Variants in ATRNL1 observed in about 807,000 individuals in gnomAD.
ATRNL1 encodes attractin like 1.
ATRNL1 carries 95 observed loss-of-function variants against 182.7 expected under a neutral mutation model. The observed-to-expected ratio is 0.52, with a 90% CI of 0.44 to 0.62. ATRNL1 has a LOEUF of 0.62. Ranked by LOEUF, ATRNL1 falls within the 20% of genes least tolerant of loss-of-function variation. The pLI, the probability that ATRNL1 is intolerant of heterozygous loss-of-function variation, is 0.00. For synonymous variants in ATRNL1, 576 were observed against 568.3 expected, an observed-to-expected ratio of 1.01 and a Z score of -0.19; for missense variants, 1,471 against 1,679.5, an observed-to-expected ratio of 0.88 and a Z score of 2.17.
At chr10:115,929,851 T>G (rs1263673492) in intron 28 of ATRNL1, among the ~76,000 whole-genome samples, 1 of 152,062 alleles carries the variant, frequency 6.6e-6, no homozygotes, top group East Asian at 1.9e-4. Context: ...ACAGATTGCT[T>G]TCCTATATAA....
chr10:115,824,160 A>G (rs1267893961), intron 27 of ATRNL1, among the ~76,000 whole-genome samples: 1 of 152,246 alleles, frequency 6.6e-6, no homozygotes, highest in Non-Finnish European at 1.5e-5. Context: ...CAAACCTGAC[A>G]AAAACAAGCA....
At chr10:115,825,432 A>C (rs1377902776) in intron 27 of ATRNL1, among the ~76,000 whole-genome samples, 1 of 152,142 alleles carries the variant, frequency 6.6e-6, no homozygotes, top group African/African-American at 2.4e-5. Context: ...AATGTATAAT[A>C]ATAAAAAAGG....
chr10:115,575,488 A>G (rs1592877771), intron 26 of ATRNL1, among the ~76,000 whole-genome samples: 1 of 152,104 alleles, frequency 6.6e-6, no homozygotes, highest in South Asian at 2.1e-4. Context: ...GTTTTTCAAC[A>G]TGTTTTATAA....
chr10:115,892,113 C>T (rs1341886671), intron 28 of ATRNL1, among the ~76,000 whole-genome samples: 1 of 152,140 alleles, frequency 6.6e-6, no homozygotes, highest in Non-Finnish European at 1.5e-5. Flanking sequence ...TGTTATATTA[C>T]TCTGTTTACT....
intron 19 of ATRNL1, among the ~76,000 whole-genome samples, chr10:115,335,246 A>G (rs1171384039): frequency 1.3e-5 from 2 of 152,136 alleles, no homozygotes; most frequent in Non-Finnish European, 2.9e-5. Context: ...TTAAATTTTT[A>G]ATCTACCGTC....
chr10:115,675,865 T>G (rs1414849875), intron 26 of ATRNL1, among the ~76,000 whole-genome samples: 1 of 152,056 alleles, frequency 6.6e-6, no homozygotes, highest in Non-Finnish European at 1.5e-5. Flanking sequence ...AGATGAAGCA[T>G]GAAGAAAGCT....
chr10:115,551,292 A>G (rs1852971543), intron 26 of ATRNL1, among the ~76,000 whole-genome samples: 2 of 151,686 alleles, frequency 1.3e-5, no homozygotes, highest in Non-Finnish European at 3.0e-5. Context: ...TTTATTACAT[A>G]CTAATCAGGT....
At chr10:115,122,408 G>A (rs1192174479) in intron 3 of ATRNL1, among the ~76,000 whole-genome samples, 2 of 151,594 alleles carry the variant, frequency 1.3e-5, no homozygotes, top group Middle Eastern at 3.9e-3. Context: ...AAAAAGTTTC[G>A]TGAATAGGAG....
chr10:115,461,932 T>TC lies in ATRNL1; in HGVS notation c.3323-6dup, dbSNP rs782108879. Reference sequence around the variant, plus strand: ...CATATCAGGATTGTACTTTTTTTCCTCCCTACAGACAGCCTTTTGATTGAT... The same window carrying TC: ...CATATCAGGATTGTACTTTTTTTCCTCCCCTACAGACAGCCTTTTGATTGAT... On this transcript the variant is annotated splice_polypyrimidine_tract_variant and intron_variant, in intron 21 of 28. Coordinates refer to ENST00000355044, the MANE Select transcript of ATRNL1 (RefSeq NM_207303.4). 1 of 1,598,400 alleles carries TC rather than the reference T, an allele frequency of 6.3e-7. No individual in the cohort carries two copies. Among genetic ancestry groups the TC allele is most frequent in the African/African-American group, 1.3e-5 (1 of 74,254 alleles).
At chr10:115,627,812 C>T (rs1489802430) in intron 26 of ATRNL1, among the ~76,000 whole-genome samples, 1 of 152,114 alleles carries the variant, frequency 6.6e-6, no homozygotes, top group Non-Finnish European at 1.5e-5. Context: ...TTTGGGTATA[C>T]TCCTAGGAGT....
At position 115,462,410 on chromosome 10, in the gene ATRNL1, G is replaced by A. The variant is rs140587489; in HGVS notation, c.3417+375G>A. 5.2e-3 allele frequency among the ~76,000 whole-genome samples: 785 copies of A among 152,038 alleles called. 1 individual carries two copies. Among genetic ancestry groups the A allele is most frequent in the Non-Finnish European group, 7.9e-3 (537 of 67,976 alleles). The stretch of plus-strand genomic sequence containing the variant: ...GGGCAGATCATGATGCCCAGAGATC[G>A]AGACCATCCTGGCCAATGTGGTGAA... On this transcript the variant is annotated intron_variant, in intron 22 of 28. Transcript: ENST00000355044.
chr10:115,591,902 C>G (rs1855931541), intron 26 of ATRNL1, among the ~76,000 whole-genome samples: 1 of 152,124 alleles, frequency 6.6e-6, no homozygotes, highest in East Asian at 1.9e-4. Context: ...TTCACAATAG[C>G]AAAGACATGG....
intron 5 of ATRNL1, among the ~76,000 whole-genome samples, chr10:115,142,673 A>C (rs1229188883): frequency 4.6e-5 from 7 of 152,196 alleles, no homozygotes; most frequent in African/African-American, 1.7e-4. Flanking sequence ...CTGAGAATAG[A>C]CTGTAGTAGC....
At chr10:115,131,763 A>G (rs897600375) in intron 5 of ATRNL1, among the ~76,000 whole-genome samples, 2 of 151,934 alleles carry the variant, frequency 1.3e-5, no homozygotes, top group Non-Finnish European at 2.9e-5. Flanking sequence ...GATTGTTGTT[A>G]CCTCCATTAT....
At chr10:115,691,529 C>A (rs1946393841) in intron 26 of ATRNL1, among the ~76,000 whole-genome samples, 2 of 152,122 alleles carry the variant, frequency 1.3e-5, no homozygotes, top group South Asian at 2.1e-4. Flanking sequence ...GGAGACCAGC[C>A]TGAGGAACAT....
intron 25 of ATRNL1, among the ~76,000 whole-genome samples, chr10:115,540,558 G>A (rs1386376000): frequency 6.6e-6 from 1 of 151,866 alleles, no homozygotes; most frequent in Non-Finnish European, 1.5e-5. Context: ...TCAGGAGTTC[G>A]AGACCAGCCT....
chr10:115,155,127 T>C (rs914468890), intron 5 of ATRNL1, among the ~76,000 whole-genome samples: 9 of 152,136 alleles, frequency 5.9e-5, no homozygotes, highest in African/African-American at 2.2e-4. Context: ...CTCTTGCTCT[T>C]TTCTAGTTTC....
At chr10:115,372,584 T>A (rs1474902699) in intron 19 of ATRNL1, among the ~76,000 whole-genome samples, 2 of 152,236 alleles carry the variant, frequency 1.3e-5, no homozygotes, top group African/African-American at 4.8e-5. Context: ...TTCATTCTTA[T>A]GCATGTAAAT....
At position 115,120,233 on chromosome 10, in the gene ATRNL1, A is replaced by T; in HGVS notation, c.342A>T (p.Lys114Asn). 6.3e-7 allele frequency: 1 copy of T among 1,577,252 alleles called. No individual in the cohort carries two copies. The highest frequency in any genetic ancestry group is 1.1e-5 in the South Asian group (1 of 89,106). The change falls in exon 2 of 29, where the codon AAA becomes AAT. Residue 114 changes from lysine (K) to asparagine (N), a missense_variant. Physicochemically the swap from Lys to Asn is moderately conservative, Grantham distance 94 (BLOSUM62 0). Coordinates refer to ENST00000355044, the MANE Select transcript of ATRNL1 (RefSeq NM_207303.4). ...TAACAGATGGCCCAATTAACTATAAATATAAAACTAAATGTACTTGGCTCA... is the reference window on the plus strand; with the variant it reads ...TAACAGATGGCCCAATTAACTATAATTATAAAACTAAATGTACTTGGCTCA... ...GYLTDGPINY[K>N]YKTKCTWLIE...
Sources: allele counts gnomAD v4.1 joint callset (sites outside exome capture counted in the v4.1 genomes callset), GRCh38; gene constraint gnomAD v4.1.1; transcripts MANE v1.5; gene names NCBI Gene and HGNC (gene_info 2026-07-23, HGNC 2026-07-21).